CDH13: variants seen among roughly 807,000 people sequenced by gnomAD.
CDH13 encodes cadherin-13.
Under a neutral mutation model 63.8 loss-of-function variants are expected in CDH13, and 24 were observed. The ratio of observed to expected loss-of-function variants is 0.38; its 90% CI spans 0.27 to 0.53. The LOEUF (loss-of-function observed/expected upper bound fraction) is 0.53. Ranked by LOEUF, CDH13 falls within the 20% of genes least tolerant of loss-of-function variation. The probability of loss-of-function intolerance (pLI) is 0.85; values close to 1 mark genes in which losing one functional copy is unlikely to be tolerated. For missense variants in CDH13, 1,049 were observed against 903.1 expected (o/e 1.16, Z -2.07); for synonymous variants, 503 against 355.3 (o/e 1.42, Z -4.67).
intron 2 of CDH13, among the ~76,000 whole-genome samples, chr16:82,930,900 C>G (rs554737964): frequency 6.6e-6 from 1 of 152,314 alleles, no homozygotes; most frequent in East Asian, 1.9e-4. Context: ...AAATCCTGAG[C>G]TTTAAAACTT....
intron 2 of CDH13, among the ~76,000 whole-genome samples, chr16:82,958,475 A>C (rs1197618826): frequency 6.6e-6 from 1 of 152,240 alleles, no homozygotes; most frequent in East Asian, 1.9e-4. Context: ...AAATGTAGCA[A>C]AATTATCCTG....
At chr16:83,120,417 A>G (rs11150541) in intron 3 of CDH13, among the ~76,000 whole-genome samples, 80,722 of 151,938 alleles carry the variant, frequency 0.53, 21,776 homozygotes, top group Admixed American at 0.63. Context: ...AAAGCAATTC[A>G]TGACACTCTA....
At chr16:82,878,803 A>G (rs1567624236) in intron 2 of CDH13, among the ~76,000 whole-genome samples, 3 of 152,010 alleles carry the variant, frequency 2.0e-5, no homozygotes, top group South Asian at 4.1e-4. Context: ...GTCATCAGCA[A>G]TTGTGCCTTT....
chr16:82,683,625 C>A (rs1234203158), intron 1 of CDH13, among the ~76,000 whole-genome samples: 1 of 152,204 alleles, frequency 6.6e-6, no homozygotes, highest in Non-Finnish European at 1.5e-5. Context: ...TGTGAGCATT[C>A]ATGGATTGAG....
intron 2 of CDH13, among the ~76,000 whole-genome samples, chr16:82,885,237 G>C (rs1041157367): frequency 2.6e-5 from 4 of 152,048 alleles, no homozygotes; most frequent in African/African-American, 4.8e-5. Flanking sequence ...TATTTCTATA[G>C]TCTGGTTACA....
At chr16:82,643,298 C>T (rs1909645428) in intron 1 of CDH13, among the ~76,000 whole-genome samples, 1 of 152,186 alleles carries the variant, frequency 6.6e-6, no homozygotes, top group Non-Finnish European at 1.5e-5. Context: ...TGTTCATGAG[C>T]ACACACCACC....
At chr16:82,920,633 G>T (rs994463466) in intron 2 of CDH13, among the ~76,000 whole-genome samples, 1 of 152,200 alleles carries the variant, frequency 6.6e-6, no homozygotes, top group Admixed American at 6.5e-5. Flanking sequence ...CCCCACTGTG[G>T]ATGGTGCTGG....
intron 4 of CDH13, among the ~76,000 whole-genome samples, chr16:83,127,342 A>T (rs2035856531): frequency 6.6e-6 from 1 of 152,208 alleles, no homozygotes; most frequent in Admixed American, 6.5e-5. Context: ...GAGAATGATT[A>T]GTGGTAGCAG....
At chr16:83,571,570 C>G (rs887170567) in intron 7 of CDH13, among the ~76,000 whole-genome samples, 1 of 152,094 alleles carries the variant, frequency 6.6e-6, no homozygotes, top group South Asian at 2.1e-4. Context: ...GGTGACCATA[C>G]ACTTTTACCA....
chr16:82,969,313 G>C (rs531574405), intron 2 of CDH13, among the ~76,000 whole-genome samples: 1 of 151,982 alleles, frequency 6.6e-6, no homozygotes, highest in South Asian at 2.1e-4. Flanking sequence ...AATGAATGTG[G>C]CTGTGTTTCA....
chr16:83,199,301 A>C (rs931629538), intron 4 of CDH13, among the ~76,000 whole-genome samples: 1 of 152,214 alleles, frequency 6.6e-6, no homozygotes, highest in Non-Finnish European at 1.5e-5. Context: ...GAAGCCTGGA[A>C]ATAATCAGCC....
chr16:82,808,110 G>A (rs866536758), intron 1 of CDH13, among the ~76,000 whole-genome samples: 4 of 152,154 alleles, frequency 2.6e-5, no homozygotes, highest in African/African-American at 9.7e-5. Context: ...CTAGCTCAGT[G>A]AGCCTGGGCA....
chr16:82,703,050 A>G (rs1036347837), intron 1 of CDH13, among the ~76,000 whole-genome samples: 1 of 152,146 alleles, frequency 6.6e-6, no homozygotes, highest in African/African-American at 2.4e-5. Context: ...GCATCAGTTC[A>G]TGAATGCTTG....
chr16:82,967,365 T>A (rs1908000989), intron 2 of CDH13, among the ~76,000 whole-genome samples: 1 of 152,154 alleles, frequency 6.6e-6, no homozygotes, highest in South Asian at 2.1e-4. Flanking sequence ...TCTATAATGA[T>A]TTTTTTAAAA....
At chr16:83,501,900 C>G (rs894244987) in intron 7 of CDH13, among the ~76,000 whole-genome samples, 1 of 152,172 alleles carries the variant, frequency 6.6e-6, no homozygotes, top group Non-Finnish European at 1.5e-5. Flanking sequence ...ATTGAGTTTC[C>G]CTCAGCTCTT....
At chr16:83,673,332 T>C (rs1251331178) in intron 9 of CDH13, among the ~76,000 whole-genome samples, 2 of 152,182 alleles carry the variant, frequency 1.3e-5, no homozygotes, top group Non-Finnish European at 2.9e-5. Flanking sequence ...TACCAAATTT[T>C]GGCCTCTGAA....
intron 1 of CDH13, among the ~76,000 whole-genome samples, chr16:82,756,912 G>A (rs576996357): frequency 6.6e-6 from 1 of 152,202 alleles, no homozygotes; most frequent in South Asian, 2.1e-4. Flanking sequence ...GCTCTGTGAG[G>A]GCCAGGATTT....
chr16:83,195,460 G>T (rs1484300986), intron 4 of CDH13, among the ~76,000 whole-genome samples: 3 of 152,186 alleles, frequency 2.0e-5, no homozygotes, highest in Non-Finnish European at 4.4e-5. Context: ...AGAAGGCAAA[G>T]TGGGAGCAGG....
At chr16:83,013,967 C>T (rs887951681) in intron 2 of CDH13, among the ~76,000 whole-genome samples, 4 of 152,088 alleles carry the variant, frequency 2.6e-5, no homozygotes, top group South Asian at 2.1e-4. Context: ...TGTATAAGCA[C>T]GTCTTCATTC....
Sources: gnomAD v4.1 joint callset for allele counts (sites outside exome capture counted in the v4.1 genomes callset) on GRCh38, gnomAD v4.1.1 for gene constraint, MANE v1.5 for transcripts, NCBI Gene and HGNC (gene_info 2026-07-23, HGNC 2026-07-21) for gene names.